RNF125: variants seen among roughly 807,000 people sequenced by gnomAD.
RNF125 encodes the protein ring finger protein 125, also known as E3 ubiquitin-protein ligase RNF125.
A neutral mutation model predicts 26.0 loss-of-function variants in RNF125; 21 were observed. The observed-to-expected ratio is 0.81, with a 90% CI of 0.57 to 1.16. The LOEUF is 1.16. Ranked by LOEUF, RNF125 falls within the 50% of genes most tolerant of loss-of-function variation. RNF125 has a pLI of 0.00. For synonymous variants in RNF125, 95 were observed against 109.2 expected (o/e 0.87, Z 0.81); for missense variants, 270 against 299.4 (o/e 0.90, Z 0.72).
chr18:32,076,601 A>G (rs2039572147), downstream of RNF125, among the ~76,000 whole-genome samples: 1 of 152,054 alleles, frequency 6.6e-6, no homozygotes, highest in Admixed American at 6.6e-5. Flanking sequence ...GTGAGCCAAC[A>G]CGCCCGGCCT....
chr18:32,088,131 T>C, the RNF125 span, among the ~76,000 whole-genome samples: 2 of 152,190 alleles, frequency 1.3e-5, no homozygotes, highest in African/African-American at 4.8e-5. Flanking sequence ...AATAAAAATA[T>C]TTAGCAACTG....
chr18:32,023,106 C>T (rs985090461), intron 1 of RNF125, among the ~76,000 whole-genome samples: 2 of 152,146 alleles, frequency 1.3e-5, no homozygotes, highest in African/African-American at 2.4e-5. Flanking sequence ...CTCAGCCTCT[C>T]ACGTAGCTGG....
At chr18:32,085,545 CA>C in the RNF125 span, among the ~76,000 whole-genome samples, 1 of 151,328 alleles carries the variant, frequency 6.6e-6, no homozygotes, top group Non-Finnish European at 1.5e-5. Flanking sequence ...ACTAAAAATA[CA>C]AAAAATTAGC....
At position 32,037,099 on chromosome 18, in the gene RNF125, T is replaced by G; in HGVS notation, c.165-17T>G. On this transcript the variant is annotated splice_polypyrimidine_tract_variant and intron_variant, in intron 1 of 5. Transcript: ENST00000217740. ...GCTTTCAAGGAAAGTGATGTATTTT[T>G]GGTCTGTTTGGGGTAGATTCTGCCG... 6.3e-7 allele frequency: 1 copy of G among 1,578,100 alleles called. No homozygotes were observed. The highest frequency in any genetic ancestry group is 1.2e-5 in the South Asian group (1 of 84,934).
At chr18:32,057,278 T>C (rs537111864) in intron 4 of RNF125, among the ~76,000 whole-genome samples, 1 of 152,234 alleles carries the variant, frequency 6.6e-6, no homozygotes, top group South Asian at 2.1e-4. Flanking sequence ...TTTTTTATGA[T>C]TGAGTCATAT....
At chr18:32,054,699 A>G (rs760020037) in intron 4 of RNF125, among the ~76,000 whole-genome samples, 2 of 152,182 alleles carry the variant, frequency 1.3e-5, no homozygotes, top group Non-Finnish European at 2.9e-5. Flanking sequence ...AGACATTTGG[A>G]AAAAACAAAA....
At chr18:32,064,698 T>G (rs1428789529) in intron 4 of RNF125, among the ~76,000 whole-genome samples, 1 of 152,126 alleles carries the variant, frequency 6.6e-6, no homozygotes, top group Non-Finnish European at 1.5e-5. Context: ...CATTTTTGTA[T>G]TTTTAGTAGA....
intron 2 of RNF125, among the ~76,000 whole-genome samples, chr18:32,038,250 A>G (rs1053702679): frequency 6.6e-6 from 1 of 151,894 alleles, no homozygotes; most frequent in Non-Finnish European, 1.5e-5. Context: ...GGGTTTTGCT[A>G]TGTTGGCCAG....
rs755657172 is a variant in RNF125, at chr18:32,065,957, G to A, written c.560G>A (p.Ser187Asn). Residue 187 changes from serine to asparagine, a missense_variant, in exon 5 of 6, where the codon AGT becomes AAT. Physicochemically the swap from Ser to Asn is conservative, Grantham distance 46. Transcript: ENST00000217740. ...PDENPSSFSG[S>N]LIRHLQVSHT... is the part of the protein sequence containing the mutation. ...GAGAATCCAAGCAGCTTCAGTGGCA[G>A]TTTAATAAGACATCTGCAAGTTAGT... 3.7e-6 allele frequency: 6 copies of A among 1,613,660 alleles called. No homozygotes were observed. In the South Asian group the frequency reaches 6.6e-5, roughly 18 times the overall value.
chr18:32,038,129 A>T (rs2144466685), intron 2 of RNF125, among the ~76,000 whole-genome samples: 1 of 149,782 alleles, frequency 6.7e-6, no homozygotes, highest in South Asian at 2.1e-4. Context: ...GCCCACTGCA[A>T]GCTCCGCCTC....
At chr18:32,036,115 T>C (rs1197835413) in intron 1 of RNF125, among the ~76,000 whole-genome samples, 12 of 148,194 alleles carry the variant, frequency 8.1e-5, no homozygotes, top group Non-Finnish European at 1.3e-4. Context: ...GATCGTGTCA[T>C]TGCACTCCAG....
intron 4 of RNF125, among the ~76,000 whole-genome samples, chr18:32,061,212 G>A (rs1428023752): frequency 6.6e-6 from 1 of 152,098 alleles, no homozygotes; most frequent in Non-Finnish European, 1.5e-5. Context: ...TTTTAGTAGA[G>A]ACAGGGTTTC....
chr18:32,081,881 G>T, the RNF125 span, among the ~76,000 whole-genome samples: 2 of 152,188 alleles, frequency 1.3e-5, no homozygotes, highest in African/African-American at 4.8e-5. Context: ...GATTTTTCTG[G>T]ATGTGAGTAG....
At chr18:32,075,685 C>G (rs1214253181), downstream of RNF125, among the ~76,000 whole-genome samples, 8 of 126,968 alleles carry the variant, frequency 6.3e-5, no homozygotes, top group Admixed American at 5.0e-4. Flanking sequence ...AAGAGCTAAA[C>G]TCCATCTCAA....
the RNF125 span, among the ~76,000 whole-genome samples, chr18:32,087,365 A>C: frequency 2.0e-5 from 3 of 151,760 alleles, no homozygotes; most frequent in African/African-American, 7.3e-5. Context: ...TGGGAACCGC[A>C]ACTTGAAGCT....
chr18:32,055,389 T>G (rs1376348530), intron 4 of RNF125, among the ~76,000 whole-genome samples: 1 of 152,050 alleles, frequency 6.6e-6, no homozygotes, highest in Admixed American at 6.6e-5. Flanking sequence ...ATTCTCACAC[T>G]GCTATAAAGA....
intron 1 of RNF125, among the ~76,000 whole-genome samples, chr18:32,025,845 G>A (rs1425331095): frequency 6.6e-6 from 1 of 151,842 alleles, no homozygotes; most frequent in Non-Finnish European, 1.5e-5. Flanking sequence ...GGGGCAGAAG[G>A]GGAAGGAAAT....
chr18:32,073,524 A>AC (rs991137738), downstream of RNF125, among the ~76,000 whole-genome samples: 4 of 151,750 alleles, frequency 2.6e-5, no homozygotes, highest in African/African-American at 9.7e-5. Context: ...AGGCTTAGAA[A>AC]CTCTGATTTG....
chr18:32,043,018 G>A (rs941488543), intron 3 of RNF125, among the ~76,000 whole-genome samples: 4 of 151,408 alleles, frequency 2.6e-5, no homozygotes, highest in African/African-American at 4.9e-5. Context: ...GCGTGGTGGC[G>A]CACACCTGTA....
Sources: allele counts gnomAD v4.1 joint callset (sites outside exome capture counted in the v4.1 genomes callset), GRCh38; gene constraint gnomAD v4.1.1; transcripts MANE v1.5; gene names NCBI Gene and HGNC (gene_info 2026-07-23, HGNC 2026-07-21).